The following LRRC40 variants were observed in gnomAD, a reference collection of about 807,000 sequenced individuals.
The protein encoded by LRRC40 is leucine-rich repeat-containing protein 40.
Under a neutral mutation model 72.8 loss-of-function variants are expected in LRRC40, and 76 were observed. That is an observed-to-expected ratio of 1.04 (90% confidence interval 0.87 to 1.26). The LOEUF (loss-of-function observed/expected upper bound fraction) is 1.26. Among genes scored for constraint, LRRC40 ranks in the 50% most tolerant of loss-of-function variants. The probability of loss-of-function intolerance (pLI) is 0.00; values close to 1 mark genes in which losing one functional copy is unlikely to be tolerated. For synonymous variants in LRRC40, 243 were observed against 254.2 expected (o/e 0.96, Z 0.42); for missense variants, 684 against 698.9 (o/e 0.98, Z 0.24).
chr1:70,200,959 G>T lies in LRRC40; in HGVS notation c.151+4431C>A, dbSNP rs142175643. ...GACTGAGGTGGGAGGATCACTTGAG[G>T]CCAGGGGTTCGAGACCAGCTTGGAC... On this transcript the variant is annotated intron_variant, in intron 1 of 14. Coordinates refer to ENST00000370952, the MANE Select transcript of LRRC40 (RefSeq NM_017768.5). Among the ~76,000 whole-genome samples the T allele has an allele frequency of 4.3e-3, 660 of 152,216 alleles. 4 individuals carry two copies. The highest frequency in any genetic ancestry group is 0.015 in the African/African-American group (616 of 41,540).
chr1:70,155,332 A>C (rs17131235), intron 11 of LRRC40, among the ~76,000 whole-genome samples: 12,141 of 152,106 alleles, frequency 0.08, 724 homozygotes, highest in East Asian at 0.3. Flanking sequence ...GATGTTAGAC[A>C]GTCTCTTAAC....
At chr1:70,153,972 C>CAAAAAA (rs1042976831) in intron 11 of LRRC40, among the ~76,000 whole-genome samples, 3 of 58,186 alleles carry the variant, frequency 5.2e-5, no homozygotes, top group Non-Finnish European at 3.4e-5. Flanking sequence ...GATCCTGTCT[C>CAAAAAA]AAAAAAAAAA....
chr1:70,186,218 T>A (rs948227072), intron 3 of LRRC40, among the ~76,000 whole-genome samples: 4 of 152,144 alleles, frequency 2.6e-5, no homozygotes, highest in African/African-American at 9.7e-5. Context: ...GATTCATACT[T>A]TTTTTAAACT....
At chr1:70,182,857 A>G (rs1474617825) in intron 4 of LRRC40, among the ~76,000 whole-genome samples, 12 of 152,122 alleles carry the variant, frequency 7.9e-5, no homozygotes, top group Non-Finnish European at 1.5e-5. Flanking sequence ...GTAGAACACA[A>G]TTCTGAAATG....
At chr1:70,159,545 T>TG in intron 9 of LRRC40, 107 bp from the exon 10 acceptor site, 3 of 474,184 alleles carry the variant, frequency 6.3e-6, no homozygotes, top group Non-Finnish European at 1.2e-5. Flanking sequence ...ATATTATTGG[T>TG]GAGAATGCCT....
At chr1:70,166,070 A>G (rs935004775) in intron 9 of LRRC40, among the ~76,000 whole-genome samples, 3 of 152,254 alleles carry the variant, frequency 2.0e-5, no homozygotes, top group Non-Finnish European at 2.9e-5. Context: ...ATGCACACAC[A>G]TAATTGTTCT....
chr1:70,193,416 T>C (rs2100340154), intron 1 of LRRC40, among the ~76,000 whole-genome samples: 1 of 150,796 alleles, frequency 6.6e-6, no homozygotes, highest in Middle Eastern at 3.4e-3. Flanking sequence ...AAAAAAAAAG[T>C]ACAACCACAA....
chr1:70,176,053 T>C (rs1337898609), intron 6 of LRRC40, 71 bp from the exon 7 acceptor site: 4 of 867,968 alleles, frequency 4.6e-6, no homozygotes, highest in Non-Finnish European at 6.6e-6. Context: ...AATAAAATTG[T>C]AGGTACTCTT....
intron 6 of LRRC40, 114 bp downstream of exon 6, chr1:70,178,737 G>A: frequency 3.9e-6 from 2 of 516,638 alleles, no homozygotes; most frequent in Non-Finnish European, 6.5e-6. Context: ...GAAAAACACA[G>A]TACTTATAAC....
chr1:70,198,420 A>G (rs555068146), intron 1 of LRRC40, among the ~76,000 whole-genome samples: 4 of 152,330 alleles, frequency 2.6e-5, no homozygotes, highest in Non-Finnish European at 4.4e-5. Flanking sequence ...ATCCAATAAC[A>G]TTCTTGCACT....
intron 9 of LRRC40, among the ~76,000 whole-genome samples, chr1:70,164,967 A>T (rs1040497852): frequency 6.6e-6 from 1 of 152,218 alleles, no homozygotes; most frequent in Non-Finnish European, 1.5e-5. Context: ...TATTTAGATG[A>T]ATCAAGGACA....
rs762368986 is a variant in LRRC40, at chr1:70,159,485, C to T, written c.1112-47G>A. 17 of 810,754 alleles carry T rather than the reference C, an allele frequency of 2.1e-5. No homozygotes were observed. The Admixed American group carries it at 3.4e-4, about 16-fold the overall frequency. 50.2% of individuals were successfully genotyped at this position (810,754 alleles called of 1,614,324 possible). A position where few individuals can be genotyped will look rare whatever the true frequency, so the allele number is the denominator to read the frequency against. On this transcript the variant is annotated intron_variant, in intron 9 of 14. Coordinates refer to ENST00000370952, the MANE Select transcript of LRRC40 (RefSeq NM_017768.5). Reference sequence around the variant, plus strand: ...GAAGCCAATATTTATACTACAAAGTCATTGTTAAAATTCTTGATAATATAT... The same window carrying T: ...GAAGCCAATATTTATACTACAAAGTTATTGTTAAAATTCTTGATAATATAT...
At chr1:70,163,108 A>C (rs1288314087) in intron 9 of LRRC40, among the ~76,000 whole-genome samples, 1 of 139,036 alleles carries the variant, frequency 7.2e-6, no homozygotes, top group Non-Finnish European at 1.5e-5. Context: ...ACGGAGTCTC[A>C]CTCTGTTGCC....
chr1:70,147,509 C>A (rs979391148), intron 14 of LRRC40, among the ~76,000 whole-genome samples: 1 of 152,128 alleles, frequency 6.6e-6, no homozygotes, highest in Non-Finnish European at 1.5e-5. Context: ...CAGAAACACA[C>A]ATATAACAAA....
Position 70,184,768 on chromosome 1 carries a change from G to T in LRRC40, c.537+17C>A, listed in dbSNP as rs769120417. 3 of 1,582,074 alleles carry T rather than the reference G, an allele frequency of 1.9e-6. No individual in the cohort carries two copies. Among genetic ancestry groups the T allele is most frequent in the Admixed American group, 1.9e-5 (1 of 51,780 alleles). On this transcript the variant is annotated intron_variant, in intron 4 of 14. Coordinates refer to ENST00000370952, the MANE Select transcript of LRRC40 (RefSeq NM_017768.5). ...ACCAGCCCCAAATTGTACAAAAATT[G>T]GAAAATCAGAACTTACTAAATCTTC...
At chr1:70,153,692 C>T (rs984913566) in intron 11 of LRRC40, among the ~76,000 whole-genome samples, 1 of 151,638 alleles carries the variant, frequency 6.6e-6, no homozygotes, top group Non-Finnish European at 1.5e-5. Flanking sequence ...AGTCAAGATA[C>T]AAATTATGGC....
chr1:70,192,903 G>A (rs1430875359), intron 1 of LRRC40, among the ~76,000 whole-genome samples: 1 of 151,760 alleles, frequency 6.6e-6, no homozygotes, highest in East Asian at 1.9e-4. Context: ...TCTGTATAAC[G>A]AACCCCTCTG....
At chr1:70,199,662 T>C (rs914124604) in intron 1 of LRRC40, among the ~76,000 whole-genome samples, 6 of 152,232 alleles carry the variant, frequency 3.9e-5, no homozygotes, top group African/African-American at 9.6e-5. Context: ...TTCTTTTCTC[T>C]AGCTTACTAT....
chr1:70,159,098 CTCA>C (rs151100318), intron 10 of LRRC40, among the ~76,000 whole-genome samples: 187 of 151,824 alleles, frequency 1.2e-3, no homozygotes, highest in African/African-American at 4.1e-3. Flanking sequence ...TGAATTTTTC[CTCA>C]TCAATTGTCC....
Sources: gnomAD v4.1 joint callset for allele counts (sites outside exome capture counted in the v4.1 genomes callset) on GRCh38, gnomAD v4.1.1 for gene constraint, MANE v1.5 for transcripts, NCBI Gene and HGNC (gene_info 2026-07-23, HGNC 2026-07-21) for gene names.